Variants in CEMIP2 observed in about 807,000 individuals in gnomAD.
The protein encoded by CEMIP2 is cell surface hyaluronidase CEMIP2.
In CEMIP2, 79 loss-of-function variants were observed where a neutral mutation model predicts 146.9. That is an observed-to-expected ratio of 0.54 (90% CI 0.45 to 0.65). CEMIP2 has a LOEUF of 0.65. Among genes scored for constraint, CEMIP2 ranks in the 30% least tolerant of loss-of-function variants. CEMIP2 has a pLI of 0.00. For synonymous variants in CEMIP2, 601 were observed against 606.3 expected (o/e 0.99, Z 0.13); for missense variants, 1,596 against 1,696.2 (o/e 0.94, Z 1.04).
At position 71,734,439 on chromosome 9, in the gene CEMIP2, G is replaced by A. The variant is rs901121953; in HGVS notation, c.1393+367C>T. On this transcript the variant is annotated intron_variant, in intron 6 of 23. Transcript: ENST00000377044. ...ATACTTAGGTGAAGGGTTGGTAGGT[G>A]CAGCAAACCACCATGGCACACGTTT... Among the ~76,000 whole-genome samples, 9 of 152,252 alleles carry A rather than the reference G, an allele frequency of 5.9e-5. No individual in the cohort carries two copies. The East Asian group carries it at 9.6e-4, about 16-fold the overall frequency.
Position 71,683,803 on chromosome 9 carries a change from TA to T in CEMIP2, c.*1393del, listed in dbSNP as rs1386103661. The T allele has an allele frequency of 1.3e-5, 2 of 152,680 alleles. No homozygotes were observed. Among genetic ancestry groups the T allele is most frequent in the East Asian group, 3.8e-4 (2 of 5,204 alleles). 9.5% of individuals were successfully genotyped at this position (152,680 alleles called of 1,614,324 possible). A position where few individuals can be genotyped will look rare whatever the true frequency, so the allele number is the denominator to read the frequency against. ...GGTAGAGGCCATCAGCCTTTGCCCCTAGAAGAGGAAAGTGAAATTATCTGTA... is the reference window on the plus strand; with the variant it reads ...GGTAGAGGCCATCAGCCTTTGCCCCTGAAGAGGAAAGTGAAATTATCTGTA... On this transcript the variant is annotated 3_prime_UTR_variant, in exon 24 of 24. Coordinates refer to ENST00000377044, the MANE Select transcript of CEMIP2 (RefSeq NM_013390.3).
Position 71,745,343 on chromosome 9 carries a change from T to C in CEMIP2, c.709A>G (p.Lys237Glu). The C allele has an allele frequency of 6.2e-7, 1 of 1,613,776 alleles. No individual in the cohort carries two copies. The highest frequency in any genetic ancestry group is 8.5e-7 in the Non-Finnish European group (1 of 1,179,670). ...GGTLELHGARKASWTLLARTL... is the reference protein window; with the variant it reads ...GGTLELHGAREASWTLLARTL... ...CTTGCCAACAACGTCCACGATGCCT[T>C]CCGTGCCCCATGTAACTCCAGTGTC... is the stretch of plus-strand genomic sequence containing the variant. The change falls in exon 4 of 24, where the codon AAG (lysine) becomes GAG (glutamate). Residue 237 changes from lysine to glutamate, a missense_variant. Transcript: ENST00000377044.
chr9:71,695,188 G>C (rs1822358294), intron 20 of CEMIP2, among the ~76,000 whole-genome samples: 1 of 152,046 alleles, frequency 6.6e-6, no homozygotes, highest in Non-Finnish European at 1.5e-5. Context: ...TTGCCACTCT[G>C]CCTTTGCTGA....
At chr9:71,758,684 C>G (rs538558216) in intron 1 of CEMIP2, among the ~76,000 whole-genome samples, 18 of 152,296 alleles carry the variant, frequency 1.2e-4, no homozygotes, top group Non-Finnish European at 2.2e-4. Context: ...AAGAGAAAGC[C>G]TGGCTGCATT....
rs914141531 is a variant in CEMIP2, at chr9:71,751,081, A to G, written c.-12-696T>C. 5.9e-5 allele frequency among the ~76,000 whole-genome samples: 9 copies of G among 152,316 alleles called. 1 individual carries two copies. The highest frequency in any genetic ancestry group is 3.9e-4 in the East Asian group (2 of 5,192). On this transcript the variant is annotated intron_variant, in intron 1 of 23. Coordinates refer to ENST00000377044, the MANE Select transcript of CEMIP2 (RefSeq NM_013390.3). ...GAATCATAAATGGTTTTTTTAAAGT[A>G]CTTTTTAAATTGTGTTAAATATACC... is the stretch of plus-strand genomic sequence containing the variant.
chr9:71,709,631 C>T (rs1371954576), intron 16 of CEMIP2, among the ~76,000 whole-genome samples, 157 bp from the exon 17 acceptor site: 2 of 152,182 alleles, frequency 1.3e-5, no homozygotes, highest in East Asian at 3.8e-4. Context: ...CTCAAGTCAG[C>T]CTGAGTTTTC....
intron 4 of CEMIP2, among the ~76,000 whole-genome samples, chr9:71,740,520 A>G (rs1433087847): frequency 6.6e-6 from 1 of 152,220 alleles, no homozygotes; most frequent in African/African-American, 2.4e-5. Flanking sequence ...ACACATCCAT[A>G]TCACACATAA....
chr9:71,731,686 C>A (rs1268741602), intron 7 of CEMIP2, among the ~76,000 whole-genome samples: 1 of 149,116 alleles, frequency 6.7e-6, no homozygotes, highest in Non-Finnish European at 1.5e-5. Flanking sequence ...CAGTTGTGAT[C>A]ATGCCACTGT....
chr9:71,727,289 C>A (rs1025157386), intron 10 of CEMIP2, among the ~76,000 whole-genome samples: 2 of 152,138 alleles, frequency 1.3e-5, no homozygotes, highest in Admixed American at 1.3e-4. Flanking sequence ...TGACTGTTGA[C>A]GCATAATGTT....
chr9:71,711,069 G>T (rs1266557277), intron 16 of CEMIP2, among the ~76,000 whole-genome samples: 1 of 152,150 alleles, frequency 6.6e-6, no homozygotes, highest in Non-Finnish European at 1.5e-5. Context: ...TCTCTGTCTT[G>T]TGCCATTGCC....
chr9:71,712,137 A>G lies in CEMIP2; in HGVS notation c.2715T>C (p.Asn905=). The change falls in exon 16 of 24, where the codon AAT becomes AAC. Residue 905 remains asparagine (N), a synonymous_variant. Coordinates refer to ENST00000377044, the MANE Select transcript of CEMIP2 (RefSeq NM_013390.3). The part of the protein sequence containing the change: ...YSSAIGFLMK[N]SWQITPRNNI... ...TATTCCTGGGGGTTATCTGCCAGGA[A>G]TTCTTCATGAGGAAGCCAATTGCAC... The G allele has an allele frequency of 4.3e-6, 7 of 1,614,154 alleles. No individual in the cohort carries two copies. In the East Asian group the frequency reaches 1.6e-4, roughly 36 times the overall value.
chr9:71,722,485 T>C lies in CEMIP2; in HGVS notation c.2209A>G (p.Thr737Ala), dbSNP rs202126085. The change falls in exon 12 of 24, where the codon ACA becomes GCA. Residue 737 changes from threonine to alanine, a missense_variant. Thr to Ala is a moderately conservative substitution (Grantham distance 58, BLOSUM62 0). Coordinates refer to ENST00000377044, the MANE Select transcript of CEMIP2 (RefSeq NM_013390.3). Reference protein sequence around the residue: ...AGLFIDKGVKTTNSSAADPRE... With the variant: ...AGLFIDKGVKATNSSAADPRE... Reference sequence around the variant, plus strand: ...GGGTCAGCAGCACTAGAGTTGGTTGTTTTGACACCTTTGTCAATAAATAAG... The same window carrying C: ...GGGTCAGCAGCACTAGAGTTGGTTGCTTTGACACCTTTGTCAATAAATAAG... 4.8e-5 allele frequency: 77 copies of C among 1,613,608 alleles called. No homozygotes were observed. The highest frequency in any genetic ancestry group is 6.4e-5 in the Non-Finnish European group (75 of 1,179,826).
At position 71,732,486 on chromosome 9, in the gene CEMIP2, T is replaced by C; in HGVS notation, c.1428A>G (p.Ile476Met). 6.2e-7 allele frequency: 1 copy of C among 1,612,882 alleles called. No homozygotes were observed. Residue 476 changes from isoleucine (I) to methionine (M), a missense_variant, in exon 7 of 24, where the codon ATA becomes ATG. Transcript: ENST00000377044. The part of the protein sequence containing the change: ...TPQFLHMGEI[I>M]DGVDMRAEVG... Reference sequence around the variant, plus strand: ...CCTCAGCTCTCATGTCTACACCGTCTATGATCTCACCCATGTGCAGGAACT... The same window carrying C: ...CCTCAGCTCTCATGTCTACACCGTCCATGATCTCACCCATGTGCAGGAACT...
At chr9:71,726,054 T>C (rs62547010) in intron 10 of CEMIP2, among the ~76,000 whole-genome samples, 10,713 of 152,256 alleles carry the variant, frequency 0.07, 542 homozygotes, top group South Asian at 0.19. Flanking sequence ...ACAGCACAGA[T>C]GTTAAGCAAT....
At chr9:71,687,462 C>CTCTGTGTGTGTG (rs148162501) in intron 22 of CEMIP2, 8 of 141,328 alleles carry the variant, frequency 5.7e-5, no homozygotes, top group African/African-American at 1.7e-4. Flanking sequence ...TATTTATTTT[C>CTCTGTGTGTGTG]TGTGTGTGTG....
At chr9:71,762,750 C>A (rs148236261) in intron 1 of CEMIP2, among the ~76,000 whole-genome samples, 118 of 152,286 alleles carry the variant, frequency 7.7e-4, no homozygotes, top group African/African-American at 2.7e-3. Context: ...GTGGCTCACG[C>A]CTGTAATCCC....
intron 22 of CEMIP2, chr9:71,686,812 CCCTT>C (rs1434506071): frequency 6.6e-6 from 1 of 152,198 alleles, no homozygotes. Context: ...CCACCCCTCA[CCCTT>C]CCTTCTCCAT....
At chr9:71,762,503 CAA>C (rs58090104) in intron 1 of CEMIP2, among the ~76,000 whole-genome samples, 233 of 79,718 alleles carry the variant, frequency 2.9e-3, no homozygotes, top group Middle Eastern at 9.4e-3. Flanking sequence ...GCCCCGTCAC[CAA>C]AAAAAAAAAA....
Position 71,734,973 on chromosome 9 carries a change from C to T in CEMIP2, c.1226G>A (p.Arg409Gln), listed in dbSNP as rs756571852. Residue 409 changes from arginine (R) to glutamine (Q), a missense_variant, in exon 6 of 24, where the codon CGG becomes CAG. Transcript: ENST00000377044. ...CTTCACTCCATCTACAACCTCTACC[C>T]GGAATCCTGAAAGAGAAACGCCTAA... ...WIEGVSLSGF[R>Q]VEVVDGVKLN... 8.1e-6 allele frequency: 13 copies of T among 1,608,912 alleles called. No individual in the cohort carries two copies. Among genetic ancestry groups the T allele is most frequent in the Admixed American group, 1.7e-5 (1 of 58,916 alleles).
Sources: gnomAD v4.1 joint callset for allele counts (sites outside exome capture counted in the v4.1 genomes callset) on GRCh38, gnomAD v4.1.1 for gene constraint, MANE v1.5 for transcripts, NCBI Gene and HGNC (gene_info 2026-07-23, HGNC 2026-07-21) for gene names.